Variants in CUX1 observed in about 807,000 individuals in gnomAD.
CUX1 encodes the protein cut like homeobox 1.
Under a neutral mutation model 158.8 loss-of-function variants are expected in CUX1, and 31 were observed. That is an observed-to-expected ratio of 0.20 (90% CI 0.15 to 0.26). The LOEUF (loss-of-function observed/expected upper bound fraction) is 0.26, where lower values mean the gene tolerates loss of function less well. Among genes scored for constraint, CUX1 ranks in the 10% least tolerant of loss-of-function variants. The probability of loss-of-function intolerance (pLI) is 1.00; values close to 1 mark genes in which losing one functional copy is unlikely to be tolerated. For missense variants in CUX1, 1,589 were observed against 2,014.6 expected (o/e 0.79, Z 4.04); for synonymous variants, 879 against 862.1 (o/e 1.02, Z -0.34).
At chr7:102,006,072 G>T (rs1817331604) in intron 2 of CUX1, among the ~76,000 whole-genome samples, 1 of 152,174 alleles carries the variant, frequency 6.6e-6, no homozygotes, top group Non-Finnish European at 1.5e-5. Context: ...GCAGACCCTA[G>T]GGAGGAAGTA....
chr7:101,915,394 A>G (rs1407802679), intron 1 of CUX1, among the ~76,000 whole-genome samples: 1 of 152,014 alleles, frequency 6.6e-6, no homozygotes, highest in Non-Finnish European at 1.5e-5. Context: ...TGGGGAACCC[A>G]CTCCTGGTGG....
At chr7:102,180,966 G>T (rs1482170451) in intron 11 of CUX1, among the ~76,000 whole-genome samples, 1 of 146,718 alleles carries the variant, frequency 6.8e-6, no homozygotes. Flanking sequence ...ATTTGAGACG[G>T]AATTTCGTTC....
chr7:102,106,232 T>G (rs1232551021), intron 6 of CUX1, among the ~76,000 whole-genome samples: 2 of 151,612 alleles, frequency 1.3e-5, no homozygotes, highest in Admixed American at 6.6e-5. Flanking sequence ...GGACTACAGG[T>G]GTGCACGCCA....
At chr7:102,178,391 C>A in intron 10 of CUX1, 78 bp from the exon 11 acceptor site, 1 of 1,356,228 alleles carries the variant, frequency 7.4e-7, no homozygotes, top group South Asian at 1.4e-5. Context: ...CAGCTTCTGT[C>A]TCAGTTGCCA....
Position 102,097,508 on chromosome 7 carries a change from G to A in CUX1, c.406+7G>A, listed in dbSNP as rs782302433. On this transcript the variant is annotated splice_region_variant and intron_variant, in intron 5 of 23. Transcript: ENST00000292535. ...GCTGAAGTGAAAAATCAAGGTTGGT[G>A]GAAAATGCGTTCTTTGCTTTTTCTT... The A allele has an allele frequency of 5.0e-6, 8 of 1,584,914 alleles. No homozygotes were observed. The highest frequency in any genetic ancestry group is 6.8e-6 in the Non-Finnish European group (8 of 1,171,908).
chr7:102,141,352 C>T (rs1306102216), intron 8 of CUX1, among the ~76,000 whole-genome samples: 7 of 151,992 alleles, frequency 4.6e-5, no homozygotes, highest in Admixed American at 4.6e-4. Flanking sequence ...GGCAATTAAG[C>T]GGGGAGGGAA....
intron 4 of CUX1, among the ~76,000 whole-genome samples, chr7:102,089,670 G>T (rs1313951777): frequency 1.3e-5 from 2 of 152,298 alleles, no homozygotes; most frequent in African/African-American, 4.8e-5. Flanking sequence ...TTCTATTCTT[G>T]CCTGGCCTTA....
chr7:102,076,510 T>C (rs1430080440), intron 4 of CUX1, among the ~76,000 whole-genome samples: 1 of 152,210 alleles, frequency 6.6e-6, no homozygotes, highest in Non-Finnish European at 1.5e-5. Flanking sequence ...TTTGTTCTTT[T>C]CATTTGCCAC....
intron 4 of CUX1, among the ~76,000 whole-genome samples, chr7:102,095,014 T>C (rs1219130620): frequency 1.3e-5 from 2 of 152,236 alleles, no homozygotes; most frequent in East Asian, 3.9e-4. Flanking sequence ...TTTTTTTTTT[T>C]TCCAAGACAG....
At chr7:102,219,348 A>G (rs1239248479) in intron 20 of CUX1, among the ~76,000 whole-genome samples, 1 of 151,964 alleles carries the variant, frequency 6.6e-6, no homozygotes, top group Admixed American at 6.6e-5. Context: ...CCTCTGAGGC[A>G]TCTTCCCTCC....
chr7:101,909,193 T>G (rs1803116988), intron 1 of CUX1, among the ~76,000 whole-genome samples: 2 of 149,240 alleles, frequency 1.3e-5, no homozygotes, highest in African/African-American at 4.9e-5. Flanking sequence ...AGGCCAGGAG[T>G]CCAGTTCAGG....
intron 1 of CUX1, among the ~76,000 whole-genome samples, chr7:101,908,410 T>C (rs1293565224): frequency 6.6e-6 from 1 of 152,246 alleles, no homozygotes; most frequent in African/African-American, 2.4e-5. Context: ...CCTCCCAAAG[T>C]GCTGGGATTA....
chr7:101,920,006 C>T (rs973547649), intron 2 of CUX1, among the ~76,000 whole-genome samples: 1 of 152,216 alleles, frequency 6.6e-6, no homozygotes, highest in African/African-American at 2.4e-5. Flanking sequence ...CAGCTCACTA[C>T]AGCCTCCAAC....
chr7:102,118,302 C>T (rs782777626), intron 8 of CUX1, among the ~76,000 whole-genome samples: 1 of 152,180 alleles, frequency 6.6e-6, no homozygotes, highest in Non-Finnish European at 1.5e-5. Flanking sequence ...CTTTGGGAGC[C>T]TGAGGCGGGC....
intron 10 of CUX1, among the ~76,000 whole-genome samples, chr7:102,175,090 G>T (rs1554511441): frequency 6.6e-6 from 1 of 152,216 alleles, no homozygotes; most frequent in Non-Finnish European, 1.5e-5. Flanking sequence ...TATGAAGGAG[G>T]AGTTTGTGGC....
chr7:102,134,428 A>G (rs1185928223), intron 8 of CUX1, among the ~76,000 whole-genome samples: 2 of 152,210 alleles, frequency 1.3e-5, no homozygotes, highest in African/African-American at 4.8e-5. Flanking sequence ...CTGTCCAATA[A>G]TGGCCTTGTG....
intron 1 of CUX1, among the ~76,000 whole-genome samples, chr7:101,909,136 C>T (rs60656667): frequency 0.17 from 25,721 of 149,192 alleles, 3,878 homozygotes; most frequent in East Asian, 0.83. Flanking sequence ...CGCTTGAGGC[C>T]AGGAGTCCAG....
In CUX1 at chr7:102,000,227, AGAG is replaced by A. The variant is rs771785940; in HGVS notation, c.142-27870_142-27868del. On this transcript the variant is annotated intron_variant, in intron 2 of 23. Coordinates refer to ENST00000292535, the MANE Select transcript of CUX1 (RefSeq NM_181552.4). Reference sequence around the variant, plus strand: ...GCAAAACTCTATCTCAAAAAAAAAAAGAGAGAGAGAGAGAGACCCTAGTTTAGC... The same window carrying A: ...GCAAAACTCTATCTCAAAAAAAAAAAAGAGAGAGAGAGACCCTAGTTTAGC... 1.1e-4 allele frequency among the ~76,000 whole-genome samples: 10 copies of A among 90,984 alleles called. No homozygotes were observed. The South Asian group carries it at 2.6e-3, about 24-fold the overall frequency. The allele number at this position is 90,984 out of a possible 152,430, so 59.7% of individuals were successfully genotyped here. A position where few individuals can be genotyped will look rare whatever the true frequency, so the allele number is the denominator to read the frequency against.
intron 9 of CUX1, 82 bp downstream of exon 9, chr7:102,158,690 T>A: frequency 7.4e-7 from 1 of 1,344,740 alleles, no homozygotes; most frequent in Non-Finnish European, 1.1e-6. Flanking sequence ...TCACCCGAAG[T>A]TAGAAGGCCG....
Sources: allele counts gnomAD v4.1 joint callset (sites outside exome capture counted in the v4.1 genomes callset), GRCh38; gene constraint gnomAD v4.1.1; transcripts MANE v1.5; gene names NCBI Gene and HGNC (gene_info 2026-07-23, HGNC 2026-07-21).